VPS36: variants seen among roughly 807,000 people sequenced by gnomAD.
VPS36 encodes the protein vacuolar protein-sorting-associated protein 36.
In VPS36, 31 loss-of-function variants were observed where a neutral mutation model predicts 63.5. The ratio of observed to expected loss-of-function variants is 0.49; its 90% CI spans 0.37 to 0.66. The LOEUF is 0.66. Among genes scored for constraint, VPS36 ranks in the 30% least tolerant of loss-of-function variants. VPS36 has a pLI of 0.00. For synonymous variants in VPS36, 138 were observed against 157.2 expected (o/e 0.88, Z 0.91); for missense variants, 338 against 463.7 (o/e 0.73, Z 2.49).
At position 52,414,060 on chromosome 13, in the gene VPS36, G is replaced by A. The variant is rs1005683104; in HGVS notation, c.*1770C>T. The A allele has an allele frequency of 1.3e-5, 2 of 152,012 alleles. No individual in the cohort carries two copies. Among genetic ancestry groups the A allele is most frequent in the East Asian group, 3.9e-4 (2 of 5,194 alleles). 9.4% of individuals were successfully genotyped at this position (152,012 alleles called of 1,614,324 possible). ...TTAAATTATGTAGGTTTGCAGTAAT[G>A]AATCCAAACCATTAGCGCTAGATTG... On this transcript the variant is annotated 3_prime_UTR_variant, in exon 14 of 14. Coordinates refer to ENST00000378060, the MANE Select transcript of VPS36 (RefSeq NM_016075.4).
chr13:52,424,437 T>C (rs181487047), intron 9 of VPS36, among the ~76,000 whole-genome samples: 2 of 152,050 alleles, frequency 1.3e-5, no homozygotes, highest in Non-Finnish European at 2.9e-5. Context: ...TATGAAATAG[T>C]CCTGCAATAA....
chr13:52,418,028 G>A lies in VPS36; in HGVS notation c.869C>T (p.Ala290Val), dbSNP rs779092607. ...ELLSPEDLVN[A>V]CKMLEALKLP... ...TTTCAGTGCTTCCAGCATCTTGCAC[G>A]CATTCACTAAATCTTCTGGTGAGAG... is the stretch of plus-strand genomic sequence containing the variant. Residue 290 changes from alanine to valine, a missense_variant, in exon 11 of 14, where the codon GCG (alanine) becomes GTG (valine). Physicochemically the swap from Ala to Val is moderately conservative, Grantham distance 64 (BLOSUM62 0). Coordinates refer to ENST00000378060, the MANE Select transcript of VPS36 (RefSeq NM_016075.4). 4.3e-6 allele frequency: 7 copies of A among 1,611,572 alleles called. No individual in the cohort carries two copies. Among genetic ancestry groups the A allele is most frequent in the Middle Eastern group, 1.6e-4 (1 of 6,082 alleles).
chr13:52,428,343 A>G (rs963196919), intron 6 of VPS36, among the ~76,000 whole-genome samples: 1 of 152,202 alleles, frequency 6.6e-6, no homozygotes, highest in Non-Finnish European at 1.5e-5. Flanking sequence ...ATCAGTCCAT[A>G]TGGTGGTCTG....
At chr13:52,449,625 G>A (rs963954284) in intron 1 of VPS36, among the ~76,000 whole-genome samples, 6 of 152,126 alleles carry the variant, frequency 3.9e-5, no homozygotes, top group African/African-American at 1.4e-4. Flanking sequence ...AAAACTTCTG[G>A]AAACCAAAAA....
At chr13:52,445,021 T>C (rs1958323752) in intron 1 of VPS36, among the ~76,000 whole-genome samples, 2 of 152,226 alleles carry the variant, frequency 1.3e-5, no homozygotes, top group Non-Finnish European at 1.5e-5. Context: ...GTATTATTAA[T>C]AGCATTAAGT....
Position 52,442,438 on chromosome 13 carries a change from A to T in VPS36, c.104T>A (p.Phe35Tyr). ...RIYDGEEKIKFDAGTLLLSTH... is the reference protein window; with the variant it reads ...RIYDGEEKIKYDAGTLLLSTH... ...ACTAAGAAGGAGAGTCCCAGCATCA[A>T]ATTTTATCTAGAAAGAAAGAGCATC... Residue 35 changes from phenylalanine (F) to tyrosine (Y), a missense_variant, in exon 2 of 14, where the codon TTT becomes TAT. Physicochemically the swap from Phe to Tyr is conservative, Grantham distance 22. Coordinates refer to ENST00000378060, the MANE Select transcript of VPS36 (RefSeq NM_016075.4). The T allele has an allele frequency of 6.2e-7, 1 of 1,610,546 alleles. No homozygotes were observed. The highest frequency in any genetic ancestry group is 8.5e-7 in the Non-Finnish European group (1 of 1,178,914).
chr13:52,444,565 CAT>C (rs889029988), intron 1 of VPS36, among the ~76,000 whole-genome samples: 3 of 146,770 alleles, frequency 2.0e-5, no homozygotes, highest in African/African-American at 7.5e-5. Flanking sequence ...TATATATACA[CAT>C]ATATATACAC....
intron 6 of VPS36, among the ~76,000 whole-genome samples, chr13:52,428,042 C>T (rs1958121771): frequency 6.6e-6 from 1 of 152,046 alleles, no homozygotes; most frequent in Non-Finnish European, 1.5e-5. Flanking sequence ...GTAAGATAAT[C>T]AGTTTAAGTA....
At chr13:52,437,357 T>C (rs1958229629) in intron 3 of VPS36, among the ~76,000 whole-genome samples, 3 of 152,122 alleles carry the variant, frequency 2.0e-5, no homozygotes, top group Non-Finnish European at 2.9e-5. Context: ...AAATAAACTA[T>C]GTGAGCAGAA....
chr13:52,440,382 C>T (rs1476253916), intron 2 of VPS36, among the ~76,000 whole-genome samples: 3 of 152,166 alleles, frequency 2.0e-5, no homozygotes, highest in Non-Finnish European at 4.4e-5. Flanking sequence ...CAACCTCTGC[C>T]TCCCAGGTTC....
intron 3 of VPS36, among the ~76,000 whole-genome samples, chr13:52,437,130 G>A (rs553028997): frequency 1.3e-5 from 2 of 151,598 alleles, no homozygotes; most frequent in South Asian, 2.1e-4. Flanking sequence ...AAAGTATCCC[G>A]GGTACCTAGT....
chr13:52,417,036 G>T, intron 12 of VPS36, 21 bp downstream of exon 12: 2 of 1,610,716 alleles, frequency 1.2e-6, no homozygotes, highest in East Asian at 2.2e-5. Flanking sequence ...CTAAAGACTG[G>T]AGAAAATCGG....
At chr13:52,423,407 C>T (rs1958064789) in intron 10 of VPS36, among the ~76,000 whole-genome samples, 167 bp downstream of exon 10, 1 of 151,988 alleles carries the variant, frequency 6.6e-6, no homozygotes, top group African/African-American at 2.4e-5. Flanking sequence ...CTATCAAAAC[C>T]AGGAAAAGAA....
rs957866266 is a variant in VPS36, at chr13:52,418,255, C to A, written c.841-199G>T. ...TAAAATATGCATGCCACATATGTCA[C>A]TGCAAATTTTATAGTAGCCACATTA... On this transcript the variant is annotated intron_variant, in intron 10 of 13. Transcript: ENST00000378060. Among the ~76,000 whole-genome samples, 17 of 149,946 alleles carry A rather than the reference C, an allele frequency of 1.1e-4. No homozygotes were observed. The Admixed American group carries it at 1.2e-3, about 10-fold the overall frequency.
intron 2 of VPS36, 53 bp from the exon 3 acceptor site, chr13:52,439,221 C>G: frequency 6.6e-7 from 1 of 1,523,964 alleles, no homozygotes; most frequent in South Asian, 1.2e-5. Context: ...ATCCATAACA[C>G]TTGTCAGAAA....
intron 6 of VPS36, among the ~76,000 whole-genome samples, chr13:52,432,775 T>C (rs1388352669): frequency 6.6e-6 from 1 of 152,216 alleles, no homozygotes; most frequent in African/African-American, 2.4e-5. Context: ...TCACCACAGA[T>C]ACATATCCAG....
chr13:52,432,104 T>C (rs995357524), intron 6 of VPS36, among the ~76,000 whole-genome samples: 1 of 152,092 alleles, frequency 6.6e-6, no homozygotes, highest in Non-Finnish European at 1.5e-5. Flanking sequence ...TGTAATCCCA[T>C]CACTTTGAGA....
chr13:52,415,884 A>T lies in VPS36; in HGVS notation c.1107T>A (p.Asp369Glu). The T allele has an allele frequency of 6.2e-7, 1 of 1,614,180 alleles. No individual in the cohort carries two copies. The highest frequency in any genetic ancestry group is 1.1e-5 in the South Asian group (1 of 91,076). ...AAAAACGCAGGCCTTCCACTGAGTCATCACGGCAAAGATGGCCCATCTTCT... is the reference window on the plus strand; with the variant it reads ...AAAAACGCAGGCCTTCCACTGAGTCTTCACGGCAAAGATGGCCCATCTTCT... ...LAEKMGHLCR[D>E]DSVEGLRFYP... The change falls in exon 14 of 14, where the codon GAT becomes GAA. Residue 369 changes from aspartate (D) to glutamate (E), a missense_variant. Transcript: ENST00000378060.
intron 1 of VPS36, among the ~76,000 whole-genome samples, chr13:52,448,049 C>A (rs933812787): frequency 6.6e-6 from 1 of 151,936 alleles, no homozygotes; most frequent in African/African-American, 2.4e-5. Flanking sequence ...TTTAATTATT[C>A]GGGTTTAAAA....
Sources: gnomAD v4.1 joint callset for allele counts (sites outside exome capture counted in the v4.1 genomes callset) on GRCh38, gnomAD v4.1.1 for gene constraint, MANE v1.5 for transcripts, NCBI Gene and HGNC (gene_info 2026-07-23, HGNC 2026-07-21) for gene names.